Variants in DGKB observed in about 807,000 individuals in gnomAD.
DGKB encodes diacylglycerol kinase beta, also known as 90 kDa diacylglycerol kinase.
In DGKB, 67 loss-of-function variants were observed where a neutral mutation model predicts 114.3. The ratio of observed to expected loss-of-function variants is 0.59; its 90% CI spans 0.48 to 0.72. The LOEUF (loss-of-function observed/expected upper bound fraction) is 0.72. Ranked by LOEUF, DGKB falls within the 30% of genes least tolerant of loss-of-function variation. The pLI is 0.00. For synonymous variants in DGKB, 398 were observed against 323.1 expected, an observed-to-expected ratio of 1.23 and a Z score of -2.49; for missense variants, 907 against 975.2, an observed-to-expected ratio of 0.93 and a Z score of 0.93.
chr7:14,944,377 C>T (rs1020588299), intron 1 of DGKB, among the ~76,000 whole-genome samples: 2 of 151,830 alleles, frequency 1.3e-5, no homozygotes, highest in Non-Finnish European at 2.9e-5. Context: ...GAATAGAAGG[C>T]AGTAACAGCT....
chr7:14,632,962 G>T (rs997908188), intron 13 of DGKB, among the ~76,000 whole-genome samples: 2 of 151,812 alleles, frequency 1.3e-5, no homozygotes, highest in African/African-American at 2.4e-5. Context: ...GGTAAAACAG[G>T]TCCGATGTTG....
At chr7:14,613,613 C>T (rs1805991664) in intron 15 of DGKB, among the ~76,000 whole-genome samples, 200 bp from the exon 16 acceptor site, 1 of 151,336 alleles carries the variant, frequency 6.6e-6, no homozygotes, top group African/African-American at 2.4e-5. Context: ...ACAGGAAAAC[C>T]TCCTCCACAA....
chr7:14,473,878 G>C (rs979011015), intron 21 of DGKB, among the ~76,000 whole-genome samples: 1 of 152,184 alleles, frequency 6.6e-6, no homozygotes, highest in Non-Finnish European at 1.5e-5. Context: ...TGGAATGGCT[G>C]TATTTACTCA....
chr7:14,482,099 G>C (rs990824514), intron 20 of DGKB, among the ~76,000 whole-genome samples: 2 of 151,740 alleles, frequency 1.3e-5, no homozygotes, highest in African/African-American at 4.8e-5. Context: ...TGAAAAGTTT[G>C]CTTAGATTTT....
chr7:14,857,111 C>T (rs2128171930), intron 1 of DGKB, among the ~76,000 whole-genome samples: 1 of 152,140 alleles, frequency 6.6e-6, no homozygotes, highest in Middle Eastern at 3.4e-3. Flanking sequence ...TCGAAAGAAG[C>T]TTATTCTGGG....
At chr7:14,902,156 C>T (rs73287453) in intron 1 of DGKB, among the ~76,000 whole-genome samples, 19,273 of 152,128 alleles carry the variant, frequency 0.13, 1,561 homozygotes, top group African/African-American at 0.23. Flanking sequence ...TGCTTGCTTG[C>T]TTGTTTAGTT....
intron 1 of DGKB, among the ~76,000 whole-genome samples, chr7:14,949,604 C>T (rs543194813): frequency 6.6e-6 from 1 of 151,834 alleles, no homozygotes; most frequent in South Asian, 2.1e-4. Flanking sequence ...GTAATAATAC[C>T]TGAACACTTA....
At chr7:14,839,654 C>T (rs1381596629) in intron 2 of DGKB, among the ~76,000 whole-genome samples, 2 of 151,958 alleles carry the variant, frequency 1.3e-5, no homozygotes, top group African/African-American at 4.8e-5. Context: ...CTTCTGCCTA[C>T]ACCTCCAAAA....
chr7:14,675,120 A>G (rs914319733), intron 12 of DGKB, among the ~76,000 whole-genome samples: 1 of 152,126 alleles, frequency 6.6e-6, no homozygotes, highest in Non-Finnish European at 1.5e-5. Context: ...ACCCTCTACA[A>G]AAAACAGATC....
intron 21 of DGKB, among the ~76,000 whole-genome samples, chr7:14,455,982 G>A (rs1832232330): frequency 6.6e-6 from 1 of 151,928 alleles, no homozygotes; most frequent in African/African-American, 2.4e-5. Context: ...ACCGTATACA[G>A]GTTTAGCATT....
intron 1 of DGKB, among the ~76,000 whole-genome samples, chr7:14,883,141 A>C (rs987599767): frequency 6.6e-6 from 1 of 152,082 alleles, no homozygotes; most frequent in East Asian, 1.9e-4. Context: ...TCATGAATGT[A>C]TAAAGATATT....
intron 21 of DGKB, among the ~76,000 whole-genome samples, chr7:14,404,545 G>T (rs1823634836): frequency 6.6e-6 from 1 of 151,886 alleles, no homozygotes; most frequent in South Asian, 2.1e-4. Flanking sequence ...CCAGTTGCAT[G>T]AAATTAACAT....
intron 7 of DGKB, among the ~76,000 whole-genome samples, chr7:14,699,101 C>T (rs1251746555): frequency 1.3e-5 from 2 of 148,576 alleles, no homozygotes; most frequent in Non-Finnish European, 3.0e-5. Context: ...CTCCGAGGAA[C>T]TAATGAAAGC....
chr7:14,783,425 G>T (rs1839411696), intron 2 of DGKB, among the ~76,000 whole-genome samples: 1 of 152,182 alleles, frequency 6.6e-6, no homozygotes, highest in Non-Finnish European at 1.5e-5. Flanking sequence ...TGAAACACTT[G>T]CAAGTATGAA....
intron 20 of DGKB, among the ~76,000 whole-genome samples, chr7:14,530,602 G>T (rs1425938264): frequency 6.6e-6 from 1 of 151,370 alleles, no homozygotes; most frequent in Non-Finnish European, 1.5e-5. Flanking sequence ...ACGATATTGG[G>T]ATTTCCATGA....
rs77211146 is a variant in DGKB, at chr7:14,220,168, G to T, written c.2123-42017C>A. 4.9e-3 allele frequency among the ~76,000 whole-genome samples: 739 copies of T among 151,712 alleles called. 13 individuals carry two copies. In the East Asian group the frequency reaches 0.072, roughly 15 times the overall value. ...GTAGACAACTAACTGTAACACAATT[G>T]TAGGTATCTCTGTATGTAAGCATGT... On this transcript the variant is annotated intron_variant, in intron 23 of 25. Transcript: ENST00000402815.
intron 23 of DGKB, among the ~76,000 whole-genome samples, chr7:14,293,899 T>C (rs1037587721): frequency 9.9e-5 from 15 of 152,212 alleles, no homozygotes; most frequent in African/African-American, 3.4e-4. Flanking sequence ...CTCCTCATTT[T>C]TGTTTGCTTT....
At chr7:14,791,843 A>G (rs764736720) in intron 2 of DGKB, among the ~76,000 whole-genome samples, 1 of 152,126 alleles carries the variant, frequency 6.6e-6, no homozygotes, top group Non-Finnish European at 1.5e-5. Context: ...TACATCTTTC[A>G]AAATCCTTTT....
chr7:14,433,462 T>G (rs913410394), intron 21 of DGKB, among the ~76,000 whole-genome samples: 4 of 152,084 alleles, frequency 2.6e-5, no homozygotes, highest in African/African-American at 9.7e-5. Flanking sequence ...CTGTGTTACT[T>G]TGGGGTTTAT....
Sources: gnomAD v4.1 joint callset for allele counts (sites outside exome capture counted in the v4.1 genomes callset) on GRCh38, gnomAD v4.1.1 for gene constraint, MANE v1.5 for transcripts, NCBI Gene and HGNC (gene_info 2026-07-23, HGNC 2026-07-21) for gene names.